The following CD8B variants were observed in gnomAD, a reference collection of about 807,000 sequenced individuals.
CD8B encodes the protein CD8 subunit beta.
A neutral mutation model predicts 24.2 loss-of-function variants in CD8B; 6 were observed. The observed-to-expected ratio is 0.25, with a 90% CI of 0.14 to 0.49. The LOEUF (loss-of-function observed/expected upper bound fraction) is 0.49, where lower values mean the gene tolerates loss of function less well. CD8B is among the 20% of genes least tolerant of loss of function. The pLI is 0.98. For missense variants in CD8B, 196 were observed against 271.3 expected (o/e 0.72, Z 1.95); for synonymous variants, 84 against 108.3 (o/e 0.78, Z 1.39).
intron 5 of CD8B, among the ~76,000 whole-genome samples, chr2:86,829,765 C>A (rs951190224): frequency 1.3e-5 from 2 of 152,282 alleles, no homozygotes; most frequent in Non-Finnish European, 2.9e-5. Flanking sequence ...TCTAATAAAT[C>A]TTCTGCCTTC....
chr2:86,842,083 C>T lies in CD8B; in HGVS notation c.*224G>A. On this transcript the variant is annotated 3_prime_UTR_variant, in exon 6 of 6. Transcript: ENST00000390655. ...TCCTCCAGCACACTCTGTGAAGTGC[C>T]CTGGGGGCAATGAAACCTTCTCCCT... The T allele has an allele frequency of 1.5e-6, 2 of 1,346,612 alleles. No homozygotes were observed. Among genetic ancestry groups the T allele is most frequent in the Admixed American group, 3.7e-5 (1 of 27,284 alleles). 83.4% of individuals were successfully genotyped at this position (1,346,612 alleles called of 1,614,324 possible). A position where few individuals can be genotyped will look rare whatever the true frequency, so the allele number is the denominator to read the frequency against.
chr2:86,831,874 G>GA (rs887545161), intron 5 of CD8B, among the ~76,000 whole-genome samples: 15 of 152,136 alleles, frequency 9.9e-5, no homozygotes, highest in Non-Finnish European at 1.6e-4. Flanking sequence ...AAACTTTTAG[G>GA]AAAAAAAACA....
At chr2:86,833,034 C>A in intron 5 of CD8B, 1 of 404,282 alleles carries the variant, frequency 2.5e-6, no homozygotes, top group Admixed American at 2.7e-5. Flanking sequence ...CTCCACCCTT[C>A]CTCTTGCTGC....
At chr2:86,831,882 AC>A (rs1348781863) in intron 5 of CD8B, among the ~76,000 whole-genome samples, 1 of 152,060 alleles carries the variant, frequency 6.6e-6, no homozygotes, top group Non-Finnish European at 1.5e-5. Context: ...AGGAAAAAAA[AC>A]AAAATGAAAC....
intron 5 of CD8B, among the ~76,000 whole-genome samples, chr2:86,832,031 G>A (rs953305237): frequency 1.3e-5 from 2 of 152,198 alleles, no homozygotes; most frequent in African/African-American, 4.8e-5. Flanking sequence ...GAGTGGGAAA[G>A]GGTCTTAATT....
intron 5 of CD8B, 107 bp from the exon 6 acceptor site, chr2:86,842,426 T>A (rs995659959): frequency 1.0e-5 from 15 of 1,469,162 alleles, no homozygotes; most frequent in Non-Finnish European, 1.4e-5. Flanking sequence ...CTACTCCAAG[T>A]AGCCTGGGGC....
intron 3 of CD8B, among the ~76,000 whole-genome samples, chr2:86,850,178 A>AAGC (rs1675906349): frequency 6.6e-6 from 1 of 152,072 alleles, no homozygotes; most frequent in South Asian, 2.1e-4. Context: ...TCTCCGGGAA[A>AAGC]AGCTGCTGCT....
intron 2 of CD8B, among the ~76,000 whole-genome samples, chr2:86,857,828 A>T (rs1676348618): frequency 1.3e-5 from 2 of 152,236 alleles, no homozygotes; most frequent in Non-Finnish European, 2.9e-5. Flanking sequence ...GTGGTTAGGT[A>T]ATAGACCTAC....
intron 5 of CD8B, among the ~76,000 whole-genome samples, chr2:86,830,298 G>A (rs1314091787): frequency 1.3e-5 from 2 of 152,036 alleles, no homozygotes; most frequent in East Asian, 3.9e-4. Flanking sequence ...AATTCTTGTG[G>A]GGCCAGGCAT....
rs989769190 is a variant in CD8B at position 86,859,429 on chromosome 2, G to C, written c.44-1013C>G. Among the ~76,000 whole-genome samples the C allele has an allele frequency of 6.6e-5, 10 of 152,178 alleles. No homozygotes were observed. The East Asian group carries it at 1.5e-3, about 23-fold the overall frequency. On this transcript the variant is annotated intron_variant, in intron 1 of 5. Transcript: ENST00000390655. ...GCTGTGAGACCTCAGGCCAGTCACCGAGCCTCTGTCTTCTTATGAACGGAG... is the reference window on the plus strand; with the variant it reads ...GCTGTGAGACCTCAGGCCAGTCACCCAGCCTCTGTCTTCTTATGAACGGAG...
At chr2:86,823,256 T>G (rs1424476356) in intron 5 of CD8B, among the ~76,000 whole-genome samples, 3 of 152,140 alleles carry the variant, frequency 2.0e-5, no homozygotes, top group Non-Finnish European at 4.4e-5. Context: ...GCACAATCAT[T>G]TTTTAAAACT....
chr2:86,822,775 C>G lies in CD8B; in HGVS notation c.621-7057G>C, dbSNP rs149041244. ...CAGAGAGCAATGTTCAGTGCAAAGC[C>G]ACACTCCACTCCAGGGATGGCCTTC... is the stretch of plus-strand genomic sequence containing the variant. On this transcript the variant is annotated intron_variant, in intron 5 of 5. Coordinates refer to the CD8B transcript ENST00000331469. 6.0e-4 allele frequency among the ~76,000 whole-genome samples: 92 copies of G among 152,210 alleles called. 1 individual carries two copies. Among genetic ancestry groups the G allele is most frequent in the Non-Finnish European group, 9.7e-4 (66 of 68,000 alleles).
chr2:86,859,558 A>T (rs1676463685), intron 1 of CD8B, among the ~76,000 whole-genome samples: 1 of 152,210 alleles, frequency 6.6e-6, no homozygotes. Context: ...ACACAGGTAA[A>T]TACTGTCCCT....
intron 5 of CD8B, chr2:86,843,308 C>T (rs1479676686): frequency 1.3e-5 from 2 of 157,440 alleles, no homozygotes; most frequent in African/African-American, 4.8e-5. Flanking sequence ...GTTGGCCAGG[C>T]TGGTCTCAAA....
At chr2:86,816,869 T>C (rs140698580) in intron 5 of CD8B, among the ~76,000 whole-genome samples, 5 of 152,314 alleles carry the variant, frequency 3.3e-5, no homozygotes, top group African/African-American at 1.2e-4. Context: ...AACATTTGTT[T>C]AAAGTATGCA....
Position 86,839,707 on chromosome 2 carries a change from G to GT in CD8B, c.*2599dup, listed in dbSNP as rs1232617775. 1.3e-5 allele frequency among the ~76,000 whole-genome samples: 2 copies of GT among 152,250 alleles called. No individual in the cohort carries two copies. Among genetic ancestry groups the GT allele is most frequent in the African/African-American group, 4.8e-5 (2 of 41,470 alleles). ...CAACCCCATGAGAACTTGTGAACAA[G>GT]TACATGCAATTGCAAAGACAGCAGC... On this transcript the variant is annotated 3_prime_UTR_variant, in exon 6 of 6. Transcript: ENST00000390655.
In CD8B at chr2:86,838,854, T is replaced by C. The variant is rs1325253424; in HGVS notation, c.*3453A>G. Among the ~76,000 whole-genome samples the C allele has an allele frequency of 6.6e-6, 1 of 152,218 alleles. No individual in the cohort carries two copies. Among genetic ancestry groups the C allele is most frequent in the African/African-American group, 2.4e-5 (1 of 41,470 alleles). On this transcript the variant is annotated 3_prime_UTR_variant, in exon 6 of 6. Transcript: ENST00000390655. ...TTTTACACATTTCTACAATGTTCTG[T>C]ACTTGGATTTTAAAAAGTCTCTTTC...
At chr2:86,815,982 G>C (rs372337638) in intron 5 of CD8B, among the ~76,000 whole-genome samples, 2 of 152,318 alleles carry the variant, frequency 1.3e-5, no homozygotes, top group East Asian at 1.9e-4. Context: ...ACCACACACA[G>C]AGAATTACCT....
At chr2:86,815,434 G>T, downstream of CD8B, 2 of 600,066 alleles carry the variant, frequency 3.3e-6, no homozygotes. Flanking sequence ...ACACTTTGGG[G>T]TTCACAAGGA....
Sources: gnomAD v4.1 joint callset for allele counts (sites outside exome capture counted in the v4.1 genomes callset) on GRCh38, gnomAD v4.1.1 for gene constraint, MANE v1.5 for transcripts, NCBI Gene and HGNC (gene_info 2026-07-23, HGNC 2026-07-21) for gene names.